The following UBR7 variants were observed in gnomAD, a reference collection of about 807,000 sequenced individuals.
The protein encoded by UBR7 is putative E3 ubiquitin-protein ligase UBR7.
Under a neutral mutation model 57.0 loss-of-function variants are expected in UBR7, and 22 were observed. That is an observed-to-expected ratio of 0.39 (90% CI 0.28 to 0.55). UBR7 has a LOEUF of 0.55. Among genes scored for constraint, UBR7 ranks in the 20% least tolerant of loss-of-function variants. UBR7 has a pLI of 0.69. For missense variants in UBR7, 395 were observed against 513.2 expected, an observed-to-expected ratio of 0.77 and a Z score of 2.23; for synonymous variants, 167 against 179.8, an observed-to-expected ratio of 0.93 and a Z score of 0.57.
chr14:93,224,868 G>A (rs1894814081), intron 10 of UBR7, among the ~76,000 whole-genome samples: 3 of 152,188 alleles, frequency 2.0e-5, no homozygotes, highest in Non-Finnish European at 4.4e-5. Context: ...ATAGTGTGCA[G>A]GCATGCCCTC....
At chr14:93,220,218 CTTTCTTTT>C in intron 8 of UBR7, 23 bp from the exon 9 acceptor site, 1 of 1,439,768 alleles carries the variant, frequency 6.9e-7, no homozygotes, top group African/African-American at 1.5e-5. Flanking sequence ...GGAAACTCCT[CTTTCTTTT>C]TTTTTTTTTT....
Position 93,218,640 on chromosome 14 carries a change from G to T in UBR7, c.715G>T (p.Asp239Tyr). Residue 239 changes from aspartate to tyrosine, a missense_variant, in exon 7 of 11, where the codon GAT becomes TAT. Transcript: ENST00000013070. ...GEHQDSTLKE[D>Y]VPEQGKDDVR... ...GCATCAAGATAGTACCCTCAAAGAG[G>T]ATGTTCCAGAACAGGGAAAGGATGA... The T allele has an allele frequency of 3.7e-6, 6 of 1,614,134 alleles. No individual in the cohort carries two copies. Among genetic ancestry groups the T allele is most frequent in the Non-Finnish European group, 5.1e-6 (6 of 1,180,034 alleles).
At chr14:93,215,396 T>C (rs3783901) in intron 6 of UBR7, 115 bp downstream of exon 6, 163,111 of 968,848 alleles carry the variant, frequency 0.17, 14,521 homozygotes, top group African/African-American at 0.22. Flanking sequence ...TAAAATAGTA[T>C]ATGTTCTGGC....
chr14:93,220,459 A>G (rs1432931329), intron 9 of UBR7, 48 bp downstream of exon 9: 4 of 1,609,134 alleles, frequency 2.5e-6, no homozygotes, highest in Non-Finnish European at 3.4e-6. Flanking sequence ...TCACTATGTA[A>G]AAAAATATAA....
intron 10 of UBR7, among the ~76,000 whole-genome samples, chr14:93,224,811 C>T (rs1894812480): frequency 6.6e-6 from 1 of 152,206 alleles, no homozygotes; most frequent in South Asian, 2.1e-4. Context: ...CACTCTGCCT[C>T]AGTGTGGTAA....
Position 93,226,247 on chromosome 14 carries a change from C to A in UBR7, c.1186-696C>A, listed in dbSNP as rs967033890. Among the ~76,000 whole-genome samples, 19 of 152,190 alleles carry A rather than the reference C, an allele frequency of 1.2e-4. 1 individual carries two copies. The highest frequency in any genetic ancestry group is 2.9e-5 in the Non-Finnish European group (2 of 68,032). ...TTTCTTACTTTCTCTTTATCTCTTT[C>A]CCTTTTTGCTCGAATTCATTCACGT... On this transcript the variant is annotated intron_variant, in intron 10 of 10. Transcript: ENST00000013070.
intron 9 of UBR7, among the ~76,000 whole-genome samples, chr14:93,221,875 C>G (rs139082604): frequency 6.6e-6 from 1 of 151,804 alleles, no homozygotes; most frequent in Non-Finnish European, 1.5e-5. Context: ...CCCAGCTACT[C>G]GGGAGGCGGA....
intron 4 of UBR7, 66 bp from the exon 5 acceptor site, chr14:93,214,863 T>C: frequency 7.3e-7 from 1 of 1,366,700 alleles, no homozygotes; most frequent in Non-Finnish European, 1.0e-6. Flanking sequence ...TATTTTACTG[T>C]GTGCCAGGTT....
At chr14:93,221,720 G>A (rs937791721) in intron 9 of UBR7, among the ~76,000 whole-genome samples, 5 of 151,806 alleles carry the variant, frequency 3.3e-5, no homozygotes, top group African/African-American at 9.7e-5. Context: ...CATGGCTCAC[G>A]CCTGTAATCC....
rs1258093996 is a variant in UBR7 at position 93,228,221 on chromosome 14, C to T, written c.*1186C>T. ...TTGAAGATCCTCATGGAAGGTTGTA[C>T]AGAGCCCCACATTTGAGGGGAAGTC... On this transcript the variant is annotated 3_prime_UTR_variant, in exon 11 of 11. Transcript: ENST00000013070. The T allele has an allele frequency of 2.0e-6, 1 of 491,846 alleles. No homozygotes were observed. Among genetic ancestry groups the T allele is most frequent in the East Asian group, 5.7e-5 (1 of 17,624 alleles). The allele number at this position is 491,846 out of a possible 1,614,324, so 30.5% of individuals were successfully genotyped here. A position where few individuals can be genotyped will look rare whatever the true frequency, so the allele number is the denominator to read the frequency against.
intron 4 of UBR7, among the ~76,000 whole-genome samples, chr14:93,214,647 T>G (rs1233534380): frequency 6.6e-6 from 1 of 152,224 alleles, no homozygotes. Flanking sequence ...AAAGTCCCAG[T>G]TGTCACTGTC....
chr14:93,219,487 A>C, intron 8 of UBR7, 126 bp downstream of exon 8: 2 of 1,259,888 alleles, frequency 1.6e-6, no homozygotes, highest in South Asian at 2.7e-5. Context: ...GAACACCTGA[A>C]CAATATATTT....
intron 6 of UBR7, 79 bp from the exon 7 acceptor site, chr14:93,218,448 T>G: frequency 8.2e-7 from 1 of 1,212,942 alleles, no homozygotes; most frequent in Non-Finnish European, 1.2e-6. Flanking sequence ...TAAGTGATTT[T>G]ATTGTCTGTT....
intron 6 of UBR7, among the ~76,000 whole-genome samples, chr14:93,217,011 G>A (rs1894605817): frequency 6.6e-6 from 1 of 151,964 alleles, no homozygotes; most frequent in African/African-American, 2.4e-5. Context: ...CTATCTATGT[G>A]TAGTTCTCAT....
At chr14:93,214,087 C>G (rs981640635) in intron 4 of UBR7, among the ~76,000 whole-genome samples, 1 of 152,100 alleles carries the variant, frequency 6.6e-6, no homozygotes, top group African/African-American at 2.4e-5. Context: ...CCACCATGCC[C>G]GGCTAATTTG....
chr14:93,219,091 G>A, intron 7 of UBR7, 121 bp from the exon 8 acceptor site: 1 of 1,181,398 alleles, frequency 8.5e-7, no homozygotes, highest in Non-Finnish European at 1.2e-6. Flanking sequence ...AATTAATTCT[G>A]TAAACTTATG....
At position 93,220,138 on chromosome 14, in the gene UBR7, T is replaced by C. The variant is rs1159458232; in HGVS notation, c.961-111T>C. 6.4e-6 allele frequency: 7 copies of C among 1,097,492 alleles called. No homozygotes were observed. In the Admixed American group the frequency reaches 1.4e-4, roughly 23 times the overall value. 68.0% of individuals were successfully genotyped at this position (1,097,492 alleles called of 1,614,324 possible). A position where few individuals can be genotyped will look rare whatever the true frequency, so the allele number is the denominator to read the frequency against. On this transcript the variant is annotated intron_variant, in intron 8 of 10. Coordinates refer to ENST00000013070, the MANE Select transcript of UBR7 (RefSeq NM_175748.4). ...ACGCTCCAGTTTTTCTAGGTCTTAATATAAAAAAATTACATTTTTAGTGAT... is the reference window on the plus strand; with the variant it reads ...ACGCTCCAGTTTTTCTAGGTCTTAACATAAAAAAATTACATTTTTAGTGAT...
Position 93,220,420 on chromosome 14 carries a change from T to C in UBR7, c.1123+9T>C, listed in dbSNP as rs1894682248. On this transcript the variant is annotated intron_variant, in intron 9 of 10. Coordinates refer to ENST00000013070, the MANE Select transcript of UBR7 (RefSeq NM_175748.4). ...AGTGGAACTCATTTGTGGTAAATAC[T>C]GTGTGTGTGTGAAAATTCATCATTT... The C allele has an allele frequency of 1.2e-6, 2 of 1,612,370 alleles. No individual in the cohort carries two copies. Among genetic ancestry groups the C allele is most frequent in the South Asian group, 1.1e-5 (1 of 90,988 alleles).
chr14:93,223,853 C>T (rs375625749), intron 10 of UBR7: 7 of 749,770 alleles, frequency 9.3e-6, no homozygotes, highest in Middle Eastern at 3.5e-4. Context: ...CCGGTATTCC[C>T]GGTACATGTT....
Sources: gnomAD v4.1 joint callset for allele counts (sites outside exome capture counted in the v4.1 genomes callset) on GRCh38, gnomAD v4.1.1 for gene constraint, MANE v1.5 for transcripts, NCBI Gene and HGNC (gene_info 2026-07-23, HGNC 2026-07-21) for gene names.